CORO7: variants seen among roughly 807,000 people sequenced by gnomAD.
CORO7 encodes the protein coronin 7, also known as coronin-7.
CORO7 carries 107 observed loss-of-function variants against 126.6 expected under a neutral mutation model. The observed-to-expected ratio is 0.85, with a 90% confidence interval of 0.72 to 0.99. The LOEUF is 0.99. CORO7 is among the 50% of genes least tolerant of loss of function. The pLI is 0.00. For synonymous variants in CORO7, 603 were observed against 536.8 expected, an observed-to-expected ratio of 1.12 and a Z score of -1.70; for missense variants, 1,314 against 1,255.8, an observed-to-expected ratio of 1.05 and a Z score of -0.70.
At chr16:4,370,362 T>C (rs1164639675) in intron 9 of CORO7, among the ~76,000 whole-genome samples, 1 of 152,184 alleles carries the variant, frequency 6.6e-6, no homozygotes, top group Non-Finnish European at 1.5e-5. Flanking sequence ...GGGTGACCCA[T>C]GAGCCCACAT....
At chr16:4,385,692 C>A (rs2055172056) in intron 9 of CORO7, among the ~76,000 whole-genome samples, 1 of 152,220 alleles carries the variant, frequency 6.6e-6, no homozygotes, top group African/African-American at 2.4e-5. Context: ...GCCTGGCTCC[C>A]AGCCCCTGCT....
At chr16:4,382,960 C>T (rs1024731035) in intron 9 of CORO7, 2 of 1,431,066 alleles carry the variant, frequency 1.4e-6, no homozygotes, top group African/African-American at 2.9e-5. Context: ...CCAGCCCCCT[C>T]CTGCTGCCAC....
At chr16:4,413,729 G>T (rs965133271) in intron 1 of CORO7, among the ~76,000 whole-genome samples, 22 of 151,778 alleles carry the variant, frequency 1.4e-4, no homozygotes, top group Admixed American at 8.5e-4. Context: ...GTAGAGATGG[G>T]GTTTCACCAT....
chr16:4,406,012 C>G (rs1475729908), intron 5 of CORO7, among the ~76,000 whole-genome samples: 1 of 152,206 alleles, frequency 6.6e-6, no homozygotes, highest in African/African-American at 2.4e-5. Flanking sequence ...TCCTAACCCC[C>G]ACTACTTTTC....
intron 9 of CORO7, among the ~76,000 whole-genome samples, chr16:4,376,264 C>T (rs1245839443): frequency 6.6e-6 from 1 of 152,222 alleles, no homozygotes; most frequent in Admixed American, 6.5e-5. Context: ...TCCTCGGACA[C>T]GTCAGCGAAA....
At chr16:4,381,779 A>G (rs1457624940) in intron 9 of CORO7, 3 of 1,600,832 alleles carry the variant, frequency 1.9e-6, no homozygotes, top group Non-Finnish European at 2.5e-6. Flanking sequence ...AACCCCTTCA[A>G]CTGCGTGTGC....
chr16:4,391,156 G>A (rs2055373992), intron 7 of CORO7, among the ~76,000 whole-genome samples: 1 of 152,144 alleles, frequency 6.6e-6, no homozygotes, highest in African/African-American at 2.4e-5. Context: ...GGGCGCAATG[G>A]TACCTGCCGT....
chr16:4,364,499 G>T, intron 13 of CORO7, 86 bp from the exon 14 acceptor site: 1 of 1,489,080 alleles, frequency 6.7e-7, no homozygotes, highest in Non-Finnish European at 9.0e-7. Flanking sequence ...GGGTAGGGAT[G>T]GGGGGCACCC....
chr16:4,358,567 C>T, intron 23 of CORO7, 84 bp from the exon 24 acceptor site: 2 of 1,337,634 alleles, frequency 1.5e-6, no homozygotes, highest in Non-Finnish European at 2.0e-6. Flanking sequence ...GCCGGCACCC[C>T]TCACTTAGGA....
intron 1 of CORO7, among the ~76,000 whole-genome samples, chr16:4,413,965 C>T (rs1314857345): frequency 1.3e-5 from 2 of 151,626 alleles, no homozygotes; most frequent in Non-Finnish European, 2.9e-5. Context: ...GCAGACAGAT[C>T]ATCCTGAGGT....
chr16:4,376,936 C>T (rs1264508176), intron 9 of CORO7, among the ~76,000 whole-genome samples: 1 of 152,208 alleles, frequency 6.6e-6, no homozygotes, highest in Non-Finnish European at 1.5e-5. Flanking sequence ...AGGCAGAGTT[C>T]TGCGTTTATG....
chr16:4,380,103 C>G (rs1221956833), intron 9 of CORO7, among the ~76,000 whole-genome samples: 2 of 151,814 alleles, frequency 1.3e-5, no homozygotes, highest in Non-Finnish European at 2.9e-5. Context: ...CAGAGTTTTC[C>G]CAGGCCTGGC....
chr16:4,369,561 G>A (rs1166999855), intron 9 of CORO7, among the ~76,000 whole-genome samples: 2 of 152,218 alleles, frequency 1.3e-5, no homozygotes, highest in Non-Finnish European at 2.9e-5. Context: ...GACAACCTCA[G>A]TACCAACTGG....
intron 27 of CORO7, 44 bp from the exon 28 acceptor site, chr16:4,355,207 G>A (rs1371918021): frequency 1.3e-6 from 2 of 1,582,894 alleles, no homozygotes; most frequent in Non-Finnish European, 1.7e-6. Context: ...AGGAGGGCCT[G>A]GGAAGGGAGG....
At chr16:4,385,815 G>A (rs2055175489) in intron 9 of CORO7, among the ~76,000 whole-genome samples, 1 of 152,242 alleles carries the variant, frequency 6.6e-6, no homozygotes, top group Non-Finnish European at 1.5e-5. Flanking sequence ...CGGGGTGTGT[G>A]CACGAACCCT....
Position 4,357,215 on chromosome 16 carries a change from AG to A in CORO7, c.2637del (p.Ser880GlnfsTer18), listed in dbSNP as rs752536794. 6.2e-7 allele frequency: 1 copy of A among 1,613,242 alleles called. No homozygotes were observed. The highest frequency in any genetic ancestry group is 1.1e-5 in the South Asian group (1 of 91,038). On this transcript the variant is annotated frameshift_variant, in exon 26 of 28. Transcript: ENST00000251166. LOFTEE classifies it high-confidence loss of function. ...PREAPARRAP[S>X]SAQYLEEKSD... is the part of the protein sequence containing the mutation. ...GACTTTTCTTCCAGGTACTGCGCTG[AG>A]GATGGGGCCCGACGAGCAGGGGCCT...
intron 2 of CORO7, chr16:4,412,701 T>C: frequency 2.1e-6 from 1 of 483,712 alleles, no homozygotes; most frequent in Non-Finnish European, 3.7e-6. Flanking sequence ...GGCGTGGGGC[T>C]TTCGTATGGG....
chr16:4,360,524 C>A lies in CORO7; in HGVS notation c.1942G>T (p.Asp648Tyr). Residue 648 changes from aspartate to tyrosine, a missense_variant, in exon 20 of 28, where the codon GAT (aspartate) becomes TAT (tyrosine). Physicochemically the swap from Asp to Tyr is radical, Grantham distance 160 (BLOSUM62 -3). Coordinates refer to ENST00000251166, the MANE Select transcript of CORO7 (RefSeq NM_024535.5). ...CAGACAGTGGCCAGCTGCTGCCCAT[C>A]AGGACTCCAGGCCAGGCTGAAGATC... ...DQIFSLAWSP[D>Y]GQQLATVCKD... The A allele has an allele frequency of 6.2e-7, 1 of 1,609,298 alleles. No homozygotes were observed. Among genetic ancestry groups the A allele is most frequent in the Non-Finnish European group, 8.5e-7 (1 of 1,178,302 alleles).
At chr16:4,380,940 G>A (rs527729684) in intron 9 of CORO7, 24 of 1,596,070 alleles carry the variant, frequency 1.5e-5, no homozygotes, top group Admixed American at 3.4e-5. Context: ...GGCCTGGGGT[G>A]CAGGGCTGCC....
Sources: gnomAD v4.1 joint callset for allele counts (sites outside exome capture counted in the v4.1 genomes callset) on GRCh38, gnomAD v4.1.1 for gene constraint, MANE v1.5 for transcripts, NCBI Gene and HGNC (gene_info 2026-07-23, HGNC 2026-07-21) for gene names.